SMG9: variants seen among roughly 807,000 people sequenced by gnomAD.
The protein encoded by SMG9 is SMG9 nonsense mediated mRNA decay factor.
Under a neutral mutation model 64.0 loss-of-function variants are expected in SMG9, and 55 were observed. The ratio of observed to expected loss-of-function variants is 0.86; its 90% CI spans 0.69 to 1.08. The LOEUF (loss-of-function observed/expected upper bound fraction) is 1.08. Among genes scored for constraint, SMG9 ranks in the 50% least tolerant of loss-of-function variants. SMG9 has a pLI of 0.00. For synonymous variants in SMG9, 244 were observed against 254.8 expected, an observed-to-expected ratio of 0.96 and a Z score of 0.41; for missense variants, 554 against 681.3, an observed-to-expected ratio of 0.81 and a Z score of 2.08.
At chr19:43,753,034 CGA>C (rs1969239097) in intron 1 of SMG9, among the ~76,000 whole-genome samples, 1 of 151,968 alleles carries the variant, frequency 6.6e-6, no homozygotes, top group African/African-American at 2.4e-5. Context: ...CAGGTCCCTC[CGA>C]GACTCTCCAG....
chr19:43,753,554 G>A (rs1333835366), intron 1 of SMG9, among the ~76,000 whole-genome samples: 2 of 147,160 alleles, frequency 1.4e-5, no homozygotes, highest in African/African-American at 2.5e-5. Flanking sequence ...TCTGCCTCCC[G>A]GGTTCAGGCA....
rs1165236664 is a variant in SMG9, at chr19:43,729,554, T to A, written c.*2042A>T. The A allele has an allele frequency of 2.6e-5, 4 of 152,294 alleles. No individual in the cohort carries two copies. Among genetic ancestry groups the A allele is most frequent in the African/African-American group, 9.7e-5 (4 of 41,430 alleles). 9.4% of individuals were successfully genotyped at this position (152,294 alleles called of 1,614,324 possible). A position where few individuals can be genotyped will look rare whatever the true frequency, so the allele number is the denominator to read the frequency against. ...GAAGCTCCAACTCTCCTGGACTGAG[T>A]TGCATGCTGTCTGGTGCCGTCTTGC... On this transcript the variant is annotated 3_prime_UTR_variant, in exon 14 of 14. Coordinates refer to ENST00000270066, the MANE Select transcript of SMG9 (RefSeq NM_019108.4).
intron 11 of SMG9, 78 bp downstream of exon 11, chr19:43,733,548 G>C (rs541515127): frequency 2.6e-5 from 41 of 1,607,112 alleles, no homozygotes; most frequent in Admixed American, 5.0e-5. Flanking sequence ...GACTAGTCTG[G>C]GGGTAGAGAC....
At position 43,731,343 on chromosome 19, in the gene SMG9, T is replaced by C; in HGVS notation, c.*253A>G. Reference sequence around the variant, plus strand: ...TCAGACTCCTCCCACTGCTTGTCCCTGTGGAGGACACAGGACGGGCTACCC... The same window carrying C: ...TCAGACTCCTCCCACTGCTTGTCCCCGTGGAGGACACAGGACGGGCTACCC... On this transcript the variant is annotated 3_prime_UTR_variant, in exon 14 of 14. Coordinates refer to ENST00000270066, the MANE Select transcript of SMG9 (RefSeq NM_019108.4). 1.5e-6 allele frequency: 2 copies of C among 1,297,204 alleles called. No individual in the cohort carries two copies. Among genetic ancestry groups the C allele is most frequent in the Non-Finnish European group, 2.0e-6 (2 of 1,019,158 alleles). 80.4% of individuals were successfully genotyped at this position (1,297,204 alleles called of 1,614,324 possible).
intron 9 of SMG9, among the ~76,000 whole-genome samples, chr19:43,735,498 G>A (rs543928243): frequency 3.4e-4 from 52 of 151,602 alleles, no homozygotes; most frequent in African/African-American, 1.2e-3. Flanking sequence ...CACACCTGTA[G>A]TCCCAGCTAC....
intron 7 of SMG9, among the ~76,000 whole-genome samples, chr19:43,738,489 A>G (rs1165999233): frequency 6.6e-6 from 1 of 152,148 alleles, no homozygotes; most frequent in Non-Finnish European, 1.5e-5. Flanking sequence ...CAAATGAGTC[A>G]TGTCCCTTAA....
In SMG9 at chr19:43,744,949, G is replaced by C. The variant is rs140771580; in HGVS notation, c.589-65C>G. On this transcript the variant is annotated intron_variant, in intron 5 of 13. Coordinates refer to ENST00000270066, the MANE Select transcript of SMG9 (RefSeq NM_019108.4). ...GCTGCTGGAGCTGGAATGAGGGGGG[G>C]ACTCCAGAGACCCTTGTGGCTCCCC... 6.4e-4 allele frequency: 789 copies of C among 1,233,798 alleles called. 4 individuals carry two copies. The African/African-American group carries it at 0.01, about 16-fold the overall frequency. The allele number at this position is 1,233,798 out of a possible 1,614,324, so 76.4% of individuals were successfully genotyped here. A position where few individuals can be genotyped will look rare whatever the true frequency, so the allele number is the denominator to read the frequency against.
intron 6 of SMG9, among the ~76,000 whole-genome samples, chr19:43,743,061 C>T (rs1431222226): frequency 2.0e-5 from 3 of 150,576 alleles, no homozygotes; most frequent in African/African-American, 4.9e-5. Context: ...GGTGACAGAG[C>T]GAGACTGTCT....
At chr19:43,735,600 G>C (rs1968634527) in intron 9 of SMG9, among the ~76,000 whole-genome samples, 1 of 122,680 alleles carries the variant, frequency 8.2e-6, no homozygotes, top group South Asian at 2.8e-4. Context: ...GGGTAACAGA[G>C]TGAGACTCTG....
chr19:43,753,028 TCCCTCC>T (rs1969238492), intron 1 of SMG9, among the ~76,000 whole-genome samples: 1 of 151,512 alleles, frequency 6.6e-6, no homozygotes, highest in Non-Finnish European at 1.5e-5. Context: ...CATAAACAGG[TCCCTCC>T]GAGACTCTCC....
chr19:43,750,508 G>A lies in SMG9; in HGVS notation c.150+84C>T, dbSNP rs554531994. The A allele has an allele frequency of 1.3e-3, 1,872 of 1,463,090 alleles. 3 individuals are homozygous for A. Among genetic ancestry groups the A allele is most frequent in the Middle Eastern group, 5.2e-3 (26 of 5,034 alleles). 90.6% of individuals were successfully genotyped at this position (1,463,090 alleles called of 1,614,324 possible). ...AGGTTTTGTTTACAAATATATCCCC[G>A]GCATCTGGATTAGTGCCTGGCACAT... On this transcript the variant is annotated intron_variant, in intron 2 of 13. Transcript: ENST00000270066.
Position 43,728,934 on chromosome 19 carries a change from ATTCC to A in SMG9, c.*2658_*2661del, listed in dbSNP as rs1359070363. 4 of 969,054 alleles carry A rather than the reference ATTCC, an allele frequency of 4.1e-6. No individual in the cohort carries two copies. Among genetic ancestry groups the A allele is most frequent in the Non-Finnish European group, 4.9e-6 (4 of 815,050 alleles). 60.0% of individuals were successfully genotyped at this position (969,054 alleles called of 1,614,324 possible). ...GACTGGAGAGCCACAAGCAGCAGGC[ATTCC>A]TGGTGGCCAGGCCCATCTTGCAGCC... On this transcript the variant is annotated 3_prime_UTR_variant, in exon 14 of 14. Transcript: ENST00000270066.
intron 10 of SMG9, chr19:43,734,093 TACTC>T (rs1968573249): frequency 1.9e-6 from 1 of 535,476 alleles, no homozygotes; most frequent in Non-Finnish European, 3.3e-6. Context: ...CCCAACCTAA[TACTC>T]ACTTCCTGAG....
rs1426354541 is a variant in SMG9, at chr19:43,732,890, C to T, written c.1452G>A (p.Gln484=). ...RSQVMSMARP[Q]LSHTILTEKN... ...TCTCGGTGAGGATCGTGTGTGACAG[C>T]TGTGGCCGGGCCATGGACATCACTT... Residue 484 remains glutamine, a synonymous_variant, in exon 13 of 14, where the codon CAG becomes CAA. Transcript: ENST00000270066. 1.2e-6 allele frequency: 2 copies of T among 1,613,976 alleles called. No homozygotes were observed. Among genetic ancestry groups the T allele is most frequent in the African/African-American group, 1.3e-5 (1 of 74,992 alleles).
chr19:43,734,784 T>C lies in SMG9; in HGVS notation c.996-289A>G, dbSNP rs1317087861. ...ACAGCAAAACTGAGCAGAAAGCACG[T>C]AGCGTTCCCACACAACCCCTGCACA... On this transcript the variant is annotated intron_variant, in intron 9 of 13. Coordinates refer to ENST00000270066, the MANE Select transcript of SMG9 (RefSeq NM_019108.4). 39 of 283,476 alleles carry C rather than the reference T, an allele frequency of 1.4e-4. No homozygotes were observed. In the Admixed American group the frequency reaches 1.8e-3, roughly 13 times the overall value. 17.6% of individuals were successfully genotyped at this position (283,476 alleles called of 1,614,324 possible).
intron 1 of SMG9, among the ~76,000 whole-genome samples, chr19:43,754,210 C>A (rs1486827248): frequency 6.6e-6 from 1 of 152,192 alleles, no homozygotes; most frequent in East Asian, 1.9e-4. Flanking sequence ...AAGCCCACTT[C>A]GTGGGGCACT....
At chr19:43,745,001 A>G in intron 5 of SMG9, 117 bp from the exon 6 acceptor site, 1 of 658,724 alleles carries the variant, frequency 1.5e-6, no homozygotes, top group Non-Finnish European at 2.7e-6. Context: ...TATGAAGAGA[A>G]ACTCCTATAG....
chr19:43,734,018 G>T, intron 10 of SMG9: 1 of 544,598 alleles, frequency 1.8e-6, no homozygotes, highest in Non-Finnish European at 3.3e-6. Flanking sequence ...GATGAAACAG[G>T]CAAAGGAACG....
intron 12 of SMG9, 57 bp downstream of exon 12, chr19:43,733,267 C>T (rs1968543774): frequency 6.3e-7 from 1 of 1,588,378 alleles, no homozygotes; most frequent in South Asian, 1.1e-5. Flanking sequence ...GGTGCTGGGT[C>T]TCTCTCTGAT....
Sources: allele counts gnomAD v4.1 joint callset (sites outside exome capture counted in the v4.1 genomes callset), GRCh38; gene constraint gnomAD v4.1.1; transcripts MANE v1.5; gene names NCBI Gene and HGNC (gene_info 2026-07-23, HGNC 2026-07-21).